AGPAT5: variants seen among roughly 807,000 people sequenced by gnomAD.
The protein encoded by AGPAT5 is 1-acylglycerol-3-phosphate O-acyltransferase 5.
A neutral mutation model predicts 45.6 loss-of-function variants in AGPAT5; 46 were observed. The ratio of observed to expected loss-of-function variants is 1.01; its 90% CI spans 0.80 to 1.29. The LOEUF (loss-of-function observed/expected upper bound fraction) is 1.29, where lower values mean the gene tolerates loss of function less well. AGPAT5 is among the 50% of genes most tolerant of loss of function. The probability of loss-of-function intolerance (pLI) is 0.00; values close to 1 mark genes in which losing one functional copy is unlikely to be tolerated. For missense variants in AGPAT5, 673 were observed against 450.7 expected, an observed-to-expected ratio of 1.49 and a Z score of -4.47; for synonymous variants, 272 against 167.0, an observed-to-expected ratio of 1.63 and a Z score of -4.85.
intron 4 of AGPAT5, among the ~76,000 whole-genome samples, chr8:6,735,780 C>T (rs917682958): frequency 6.7e-6 from 1 of 149,088 alleles, no homozygotes; most frequent in East Asian, 2.0e-4. Flanking sequence ...AATTTCAAAA[C>T]TTGGAACAAT....
At chr8:6,739,444 C>G (rs1196238858) in intron 4 of AGPAT5, among the ~76,000 whole-genome samples, 7 of 151,962 alleles carry the variant, frequency 4.6e-5, no homozygotes, top group East Asian at 3.8e-4. Flanking sequence ...TTACTTAGGT[C>G]TTCTTTATTT....
Position 6,732,543 on chromosome 8 carries a change from C to T in AGPAT5, c.406-18C>T, listed in dbSNP as rs751012520. The T allele has an allele frequency of 1.0e-5, 16 of 1,575,922 alleles. No individual in the cohort carries two copies. The highest frequency in any genetic ancestry group is 1.2e-5 in the South Asian group (1 of 83,858). ...ATTTTAAAAGTAAATGCTCTTTCTC[C>T]CGATTTGATTGTGGCAGCATGGAGG... On this transcript the variant is annotated intron_variant, in intron 3 of 7. Transcript: ENST00000285518.
chr8:6,726,052 G>T (rs1417963996), intron 2 of AGPAT5, among the ~76,000 whole-genome samples: 1 of 152,224 alleles, frequency 6.6e-6, no homozygotes. Flanking sequence ...TAGGAATCTT[G>T]ATGTATCTGA....
chr8:6,722,746 T>A (rs1425838461), intron 1 of AGPAT5, among the ~76,000 whole-genome samples: 1 of 152,246 alleles, frequency 6.6e-6, no homozygotes, highest in Non-Finnish European at 1.5e-5. Context: ...GAAAGCAGAA[T>A]AACTAGTTTG....
Position 6,758,504 on chromosome 8 carries a change from T to A in AGPAT5, c.*1116T>A, listed in dbSNP as rs1801921001. The A allele has an allele frequency of 6.6e-6, 1 of 152,426 alleles. No homozygotes were observed. The highest frequency in any genetic ancestry group is 6.5e-5 in the Admixed American group (1 of 15,284). The allele number at this position is 152,426 out of a possible 1,614,324, so 9.4% of individuals were successfully genotyped here. A position where few individuals can be genotyped will look rare whatever the true frequency, so the allele number is the denominator to read the frequency against. On this transcript the variant is annotated 3_prime_UTR_variant, in exon 8 of 8. Transcript: ENST00000285518. ...CAGCCTGTGCTGCCCACTTTCAGAG[T>A]TGAACTCTTTAAGCCCTTGTGAGTG...
At chr8:6,722,510 C>T (rs924003870) in intron 1 of AGPAT5, among the ~76,000 whole-genome samples, 1 of 152,164 alleles carries the variant, frequency 6.6e-6, no homozygotes, top group African/African-American at 2.4e-5. Context: ...ATTTATGTCT[C>T]TGTGACATTG....
chr8:6,732,705 GAATTA>G, intron 4 of AGPAT5, 55 bp downstream of exon 4: 1 of 1,351,924 alleles, frequency 7.4e-7, no homozygotes, highest in Non-Finnish European at 1.0e-6. Flanking sequence ...CTAAATTTAA[GAATTA>G]AATTAAAATC....
At chr8:6,747,983 G>T (rs776626621) in intron 6 of AGPAT5, among the ~76,000 whole-genome samples, 155 bp downstream of exon 6, 6 of 152,166 alleles carry the variant, frequency 3.9e-5, no homozygotes, top group African/African-American at 1.4e-4. Flanking sequence ...ATGTAACAGT[G>T]GAGATTTCAT....
At chr8:6,709,639 T>C (rs530517460) in intron 1 of AGPAT5, 2 of 152,314 alleles carry the variant, frequency 1.3e-5, no homozygotes, top group African/African-American at 4.8e-5. Flanking sequence ...ATTCCTAATG[T>C]CCACCTAGTC....
chr8:6,748,182 T>C (rs967258703), intron 6 of AGPAT5, among the ~76,000 whole-genome samples: 3 of 152,192 alleles, frequency 2.0e-5, no homozygotes, highest in African/African-American at 7.2e-5. Context: ...GCTGCCCTTT[T>C]GCTGTATTTT....
At chr8:6,720,754 A>G (rs373147322) in intron 1 of AGPAT5, among the ~76,000 whole-genome samples, 1 of 152,310 alleles carries the variant, frequency 6.6e-6, no homozygotes, top group South Asian at 2.1e-4. Flanking sequence ...TGTTTTTCAT[A>G]TGCAAAATAA....
At chr8:6,713,627 T>C (rs1800226793) in intron 1 of AGPAT5, among the ~76,000 whole-genome samples, 1 of 152,126 alleles carries the variant, frequency 6.6e-6, no homozygotes, top group Non-Finnish European at 1.5e-5. Context: ...CAGTCTCCAC[T>C]CACTGCAACC....
chr8:6,731,747 A>T (rs879712139), intron 3 of AGPAT5, among the ~76,000 whole-genome samples: 3 of 137,390 alleles, frequency 2.2e-5, no homozygotes, highest in East Asian at 2.2e-4. Flanking sequence ...GTATGATATT[A>T]AAAAAAAAAA....
At chr8:6,725,854 A>T (rs1406743649) in intron 2 of AGPAT5, among the ~76,000 whole-genome samples, 2 of 152,216 alleles carry the variant, frequency 1.3e-5, no homozygotes, top group African/African-American at 4.8e-5. Flanking sequence ...GAAATCACTT[A>T]TGCCTGTGGC....
rs142070710 is a variant in AGPAT5 at position 6,750,793 on chromosome 8, T to G, written c.745+2965T>G. Among the ~76,000 whole-genome samples, 3 of 152,196 alleles carry G rather than the reference T, an allele frequency of 2.0e-5. No homozygotes were observed. In the East Asian group the frequency reaches 5.8e-4, roughly 29 times the overall value. On this transcript the variant is annotated intron_variant, in intron 6 of 7. Coordinates refer to ENST00000285518, the MANE Select transcript of AGPAT5 (RefSeq NM_018361.5). ...TGATCATAGGCTCAGTGGGTGAGATTCAAGTATTATCAGGCATTTTTATAC... is the reference window on the plus strand; with the variant it reads ...TGATCATAGGCTCAGTGGGTGAGATGCAAGTATTATCAGGCATTTTTATAC...
At chr8:6,714,538 C>T (rs534463135) in intron 1 of AGPAT5, among the ~76,000 whole-genome samples, 2 of 152,100 alleles carry the variant, frequency 1.3e-5, no homozygotes, top group African/African-American at 4.8e-5. Flanking sequence ...TTTTTAATGC[C>T]TGATTTTTCT....
chr8:6,742,616 C>A (rs1251825945), intron 5 of AGPAT5, among the ~76,000 whole-genome samples: 2 of 152,158 alleles, frequency 1.3e-5, no homozygotes, highest in African/African-American at 4.8e-5. Flanking sequence ...GTGCTGGCTC[C>A]TACCAATGTG....
rs991797185 is a variant in AGPAT5 at position 6,758,918 on chromosome 8, A to G, written c.*1530A>G. ...TACCAGTTGGATCATGATAAGCAAA[A>G]TGAAAGAAATAATGATTAAGGGAAA... On this transcript the variant is annotated 3_prime_UTR_variant, in exon 8 of 8. Transcript: ENST00000285518. 12 of 152,676 alleles carry G rather than the reference A, an allele frequency of 7.9e-5. No individual in the cohort carries two copies. The highest frequency in any genetic ancestry group is 1.6e-4 in the Non-Finnish European group (11 of 68,042). The allele number at this position is 152,676 out of a possible 1,614,324, so 9.5% of individuals were successfully genotyped here.
intron 1 of AGPAT5, among the ~76,000 whole-genome samples, chr8:6,716,637 C>G (rs558807237): frequency 3.3e-5 from 5 of 152,122 alleles, no homozygotes; most frequent in Non-Finnish European, 5.9e-5. Flanking sequence ...AGTTCGAGAT[C>G]AGCCTGACCA....
Sources: gnomAD v4.1 joint callset for allele counts (sites outside exome capture counted in the v4.1 genomes callset) on GRCh38, gnomAD v4.1.1 for gene constraint, MANE v1.5 for transcripts, NCBI Gene and HGNC (gene_info 2026-07-23, HGNC 2026-07-21) for gene names.